SEZ6L: variants seen among roughly 807,000 people sequenced by gnomAD.
SEZ6L encodes seizure 6-like protein.
In SEZ6L, 37 loss-of-function variants were observed where a neutral mutation model predicts 106.2. The ratio of observed to expected loss-of-function variants is 0.35; its 90% CI spans 0.27 to 0.46. The LOEUF (loss-of-function observed/expected upper bound fraction) is 0.46, where lower values mean the gene tolerates loss of function less well. SEZ6L is among the 20% of genes least tolerant of loss of function. SEZ6L has a pLI of 1.00. For missense variants in SEZ6L, 1,172 were observed against 1,332.8 expected (o/e 0.88, Z 1.88); for synonymous variants, 541 against 570.4 (o/e 0.95, Z 0.73).
chr22:26,216,269 G>T (rs2078296820), intron 1 of SEZ6L, among the ~76,000 whole-genome samples: 1 of 152,208 alleles, frequency 6.6e-6, no homozygotes, highest in Non-Finnish European at 1.5e-5. Context: ...AGTCTTTCCT[G>T]TCTCAGAACT....
chr22:26,288,975 G>C lies in SEZ6L; in HGVS notation c.95-3431G>C, dbSNP rs191537741. Among the ~76,000 whole-genome samples the C allele has an allele frequency of 4.6e-5, 7 of 152,340 alleles. No homozygotes were observed. In the East Asian group the frequency reaches 7.7e-4, roughly 17 times the overall value. ...TTTAGCAGTCACCTTTTCCAATTTA[G>C]CAGGGTTAACAAATGGCTCTAAGAA... is the stretch of plus-strand genomic sequence containing the variant. On this transcript the variant is annotated intron_variant, in intron 1 of 16. Coordinates refer to ENST00000248933, the MANE Select transcript of SEZ6L (RefSeq NM_021115.5).
rs572452531 is a variant in SEZ6L, at chr22:26,236,524, A to C, written c.95-55882A>C. Among the ~76,000 whole-genome samples, 4 of 152,290 alleles carry C rather than the reference A, an allele frequency of 2.6e-5. No individual in the cohort carries two copies. In the South Asian group the frequency reaches 8.3e-4, roughly 32 times the overall value. ...AAACAGGAGATAGTCAAACTTTCCG[A>C]GCCTGTGGACTTGATTGATTGAGGT... is the stretch of plus-strand genomic sequence containing the variant. On this transcript the variant is annotated intron_variant, in intron 1 of 16. Coordinates refer to ENST00000248933, the MANE Select transcript of SEZ6L (RefSeq NM_021115.5).
chr22:26,264,642 T>C (rs1448353353), intron 1 of SEZ6L, among the ~76,000 whole-genome samples: 1 of 152,238 alleles, frequency 6.6e-6, no homozygotes, highest in Non-Finnish European at 1.5e-5. Context: ...GCTTTGATGG[T>C]TATTTAGTCT....
At chr22:26,179,415 C>T (rs1364496292) in intron 1 of SEZ6L, among the ~76,000 whole-genome samples, 1 of 152,130 alleles carries the variant, frequency 6.6e-6, no homozygotes, top group Non-Finnish European at 1.5e-5. Flanking sequence ...TGGAGAGACA[C>T]ACCTTACCCC....
rs114240559 is a variant in SEZ6L, at chr22:26,203,319, C to G, written c.94+33556C>G. ...CCCCTCCAGATTGAGTTAGATGAGG[C>G]CTTTTTGTTCTCTGCATCCCAGATA... On this transcript the variant is annotated intron_variant, in intron 1 of 16. Coordinates refer to ENST00000248933, the MANE Select transcript of SEZ6L (RefSeq NM_021115.5). Among the ~76,000 whole-genome samples, 4 of 152,178 alleles carry G rather than the reference C, an allele frequency of 2.6e-5. No individual in the cohort carries two copies. In the South Asian group the frequency reaches 6.2e-4, roughly 24 times the overall value.
intron 11 of SEZ6L, among the ~76,000 whole-genome samples, chr22:26,350,645 A>C (rs1401417143): frequency 6.7e-6 from 1 of 149,412 alleles, no homozygotes; most frequent in Non-Finnish European, 1.5e-5. Flanking sequence ...AAAAGAACTG[A>C]GTTAGGAAAC....
chr22:26,190,049 A>G (rs1249272889), intron 1 of SEZ6L, among the ~76,000 whole-genome samples: 1 of 151,770 alleles, frequency 6.6e-6, no homozygotes, highest in Admixed American at 6.6e-5. Context: ...GTGAGCCAAG[A>G]TGGCGCCACT....
At chr22:26,358,650 G>A (rs1177762209) in intron 12 of SEZ6L, among the ~76,000 whole-genome samples, 1 of 152,284 alleles carries the variant, frequency 6.6e-6, no homozygotes, top group South Asian at 2.1e-4. Context: ...TAAGGCCATC[G>A]GTCCAATTCA....
chr22:26,268,653 G>A (rs1372061084), intron 1 of SEZ6L, among the ~76,000 whole-genome samples: 3 of 152,158 alleles, frequency 2.0e-5, no homozygotes, highest in East Asian at 1.9e-4. Flanking sequence ...ACTGACATTC[G>A]GGATGTTTAA....
intron 1 of SEZ6L, among the ~76,000 whole-genome samples, chr22:26,186,204 T>C (rs1939770032): frequency 6.6e-6 from 1 of 152,086 alleles, no homozygotes. Context: ...AACTCTGGGC[T>C]TGGCCAGAGA....
At position 26,300,367 on chromosome 22, in the gene SEZ6L, A is replaced by C. The variant is rs905677450; in HGVS notation, c.1348+1198A>C. ...CCCCTTCCTGTGTCCATGTGTTCTCATTGTTCAATTCCCACCTATGAGTGA... is the reference window on the plus strand; with the variant it reads ...CCCCTTCCTGTGTCCATGTGTTCTCCTTGTTCAATTCCCACCTATGAGTGA... On this transcript the variant is annotated intron_variant, in intron 5 of 16. Transcript: ENST00000248933. 6.7e-5 allele frequency among the ~76,000 whole-genome samples: 10 copies of C among 149,046 alleles called. No homozygotes were observed. The South Asian group carries it at 1.9e-3, about 28-fold the overall frequency.
chr22:26,354,882 T>C (rs1201892817), intron 12 of SEZ6L, among the ~76,000 whole-genome samples: 1 of 151,994 alleles, frequency 6.6e-6, no homozygotes, highest in Non-Finnish European at 1.5e-5. Context: ...CCACGCGGGG[T>C]GTCAGGAGAC....
rs746932790 is a variant in SEZ6L, at chr22:26,375,631, T to G, written c.2884T>G (p.Phe962Val). Residue 962 changes from phenylalanine to valine, a missense_variant, in exon 15 of 17, where the codon TTC becomes GTC. Physicochemically the swap from Phe to Val is conservative, Grantham distance 50. Coordinates refer to ENST00000248933, the MANE Select transcript of SEZ6L (RefSeq NM_021115.5). ...AGGGGGGAACATGGCCCTGGCTATC[T>G]TCATCCCGGTCCTCATCATCTCCTT... ...LEGGNMALAI[F>V]IPVLIISLLL... 50 of 1,614,034 alleles carry G rather than the reference T, an allele frequency of 3.1e-5. No individual in the cohort carries two copies. The highest frequency in any genetic ancestry group is 1.6e-4 in the East Asian group (7 of 44,886).
intron 6 of SEZ6L, among the ~76,000 whole-genome samples, chr22:26,310,235 A>G (rs2081773966): frequency 6.6e-6 from 1 of 152,230 alleles, no homozygotes; most frequent in Non-Finnish European, 1.5e-5. Context: ...TTGTCTGAGC[A>G]CATAAGAGGT....
chr22:26,182,097 A>G lies in SEZ6L; in HGVS notation c.94+12334A>G, dbSNP rs150838896. Among the ~76,000 whole-genome samples the G allele has an allele frequency of 4.6e-5, 7 of 152,300 alleles. No homozygotes were observed. In the East Asian group the frequency reaches 1.4e-3, roughly 29 times the overall value. ...TCTCCCTCCCAATCCCCACCTCTCA[A>G]CACTACATCTCCCAGATAGTAGAAA... On this transcript the variant is annotated intron_variant, in intron 1 of 16. Coordinates refer to ENST00000248933, the MANE Select transcript of SEZ6L (RefSeq NM_021115.5).
chr22:26,228,541 C>CCT (rs2078703632), intron 1 of SEZ6L, among the ~76,000 whole-genome samples: 1 of 152,202 alleles, frequency 6.6e-6, no homozygotes, highest in South Asian at 2.1e-4. Flanking sequence ...ACCGTTCAGC[C>CCT]CTCTATGCCT....
chr22:26,287,430 G>T (rs17303821), intron 1 of SEZ6L, among the ~76,000 whole-genome samples: 11,362 of 152,160 alleles, frequency 0.075, 535 homozygotes, highest in Middle Eastern at 0.14. Flanking sequence ...GTAGAGCACC[G>T]ACTGTACGTG....
intron 9 of SEZ6L, among the ~76,000 whole-genome samples, chr22:26,315,731 C>T (rs1450234690): frequency 3.3e-5 from 5 of 152,164 alleles, no homozygotes; most frequent in South Asian, 2.1e-4. Flanking sequence ...GCAGATTTTA[C>T]GCGTTCCTAG....
At chr22:26,340,757 C>A in intron 10 of SEZ6L, 125 bp downstream of exon 10, 1 of 791,498 alleles carries the variant, frequency 1.3e-6, no homozygotes, top group Admixed American at 3.2e-5. Flanking sequence ...TTGAAATGTA[C>A]TCATTTCATT....
Sources: allele counts gnomAD v4.1 joint callset (sites outside exome capture counted in the v4.1 genomes callset), GRCh38; gene constraint gnomAD v4.1.1; transcripts MANE v1.5; gene names NCBI Gene and HGNC (gene_info 2026-07-23, HGNC 2026-07-21).